Variants in CADPS observed in about 807,000 individuals in gnomAD.
CADPS encodes calcium-dependent secretion activator 1.
In CADPS, 57 loss-of-function variants were observed where a neutral mutation model predicts 167.3. The observed-to-expected ratio is 0.34, with a 90% CI of 0.28 to 0.42. The LOEUF (loss-of-function observed/expected upper bound fraction) is 0.42. CADPS is among the 20% of genes least tolerant of loss of function. CADPS has a pLI of 1.00. For synonymous variants in CADPS, 676 were observed against 635.3 expected (o/e 1.06, Z -0.96); for missense variants, 1,414 against 1,738.1 (o/e 0.81, Z 3.32).
intron 8 of CADPS, among the ~76,000 whole-genome samples, chr3:62,584,783 C>G (rs1419873246): frequency 6.6e-6 from 1 of 152,190 alleles, no homozygotes; most frequent in Non-Finnish European, 1.5e-5. Flanking sequence ...GGTGGCCTCT[C>G]CCTGCTGCTC....
At position 62,545,268 on chromosome 3, in the gene CADPS, G is replaced by A. The variant is rs115038031; in HGVS notation, c.1966+4635C>T. On this transcript the variant is annotated intron_variant, in intron 11 of 29. Transcript: ENST00000383710. ...CCACCCTAATCCAAATGAGAATTGAGGTACTAATTTTTACTGTTCCACTAA... is the reference window on the plus strand; with the variant it reads ...CCACCCTAATCCAAATGAGAATTGAAGTACTAATTTTTACTGTTCCACTAA... Among the ~76,000 whole-genome samples the A allele has an allele frequency of 3.8e-3, 575 of 152,102 alleles. 5 individuals are homozygous for A. Among genetic ancestry groups the A allele is most frequent in the African/African-American group, 0.012 (507 of 41,498 alleles).
Position 62,399,412 on chromosome 3 carries a change from G to C in CADPS, c.4056C>G (p.Asp1352Glu). The C allele has an allele frequency of 6.2e-7, 1 of 1,614,038 alleles. No individual in the cohort carries two copies. The highest frequency in any genetic ancestry group is 8.5e-7 in the Non-Finnish European group (1 of 1,179,930). ...MKDSDEEDEEDD is the reference protein window; with the variant it reads ...MKDSDEEDEEED The stretch of plus-strand genomic sequence containing the variant: ...GACTCTAGGACCAAATGGTCTAATC[G>C]TCTTCTTCGTCTTCCTCATCGCTGT... The change falls in exon 30 of 30, where the codon GAC (aspartate) becomes GAG (glutamate). Residue 1352 changes from aspartate (D) to glutamate (E), a missense_variant. Around this residue, in one of 6 missense-constraint regions of CADPS, gnomAD observed 185 missense variants for 251.5 expected, o/e 0.74. Transcript: ENST00000383710. The surrounding 1 kb of genome is among the most constrained non-coding windows in gnomAD (Gnocchi z 5.6).
chr3:62,608,176 C>T (rs1255316495), intron 6 of CADPS, among the ~76,000 whole-genome samples: 1 of 152,016 alleles, frequency 6.6e-6, no homozygotes, highest in Non-Finnish European at 1.5e-5. Context: ...CACCACAAGG[C>T]CTAGTCACTC....
chr3:62,845,423 A>G (rs2077255250), intron 1 of CADPS, among the ~76,000 whole-genome samples: 1 of 152,224 alleles, frequency 6.6e-6, no homozygotes, highest in African/African-American at 2.4e-5. Context: ...CACTACCTCT[A>G]AAAAGGGGAT....
chr3:62,449,608 A>C (rs780150368), intron 26 of CADPS, among the ~76,000 whole-genome samples: 3 of 152,204 alleles, frequency 2.0e-5, no homozygotes, highest in Non-Finnish European at 4.4e-5. Flanking sequence ...TTATTGCCAG[A>C]AAATCCAAGC....
intron 2 of CADPS, among the ~76,000 whole-genome samples, chr3:62,760,928 T>C (rs1005049774): frequency 6.6e-6 from 1 of 152,196 alleles, no homozygotes; most frequent in African/African-American, 2.4e-5. Flanking sequence ...CATTACATAG[T>C]TGCAGTGGGA....
intron 15 of CADPS, 101 bp downstream of exon 15, chr3:62,516,479 C>A: frequency 1.1e-6 from 1 of 926,960 alleles, no homozygotes; most frequent in South Asian, 1.7e-5. Context: ...TAAACAAATC[C>A]TATAAAAATT....
At chr3:62,555,076 T>C (rs899047693) in intron 10 of CADPS, among the ~76,000 whole-genome samples, 2 of 152,160 alleles carry the variant, frequency 1.3e-5, no homozygotes, top group Admixed American at 1.3e-4. Flanking sequence ...TAAAAAATTC[T>C]GAGTTAGACT....
chr3:62,491,317 G>T (rs1226790769), intron 21 of CADPS, 22 bp downstream of exon 21: 11 of 1,611,424 alleles, frequency 6.8e-6, no homozygotes, highest in Non-Finnish European at 9.3e-6. Context: ...AACTCCGATG[G>T]TATCAAAAAA....
At position 62,478,173 on chromosome 3, in the gene CADPS, G is replaced by A. The variant is rs968551481; in HGVS notation, c.3329+88C>T. ...CTTCTCCAATTAGTTTCAAACTACAGCCAATTGAAAGAGCAGCCATCTACC... is the reference window on the plus strand; with the variant it reads ...CTTCTCCAATTAGTTTCAAACTACAACCAATTGAAAGAGCAGCCATCTACC... On this transcript the variant is annotated intron_variant, in intron 23 of 29. Coordinates refer to ENST00000383710, the MANE Select transcript of CADPS (RefSeq NM_003716.4). The surrounding 1 kb of genome is among the most constrained non-coding windows in gnomAD (Gnocchi z 5.7). 1.4e-6 allele frequency: 2 copies of A among 1,406,966 alleles called. No individual in the cohort carries two copies. 87.2% of individuals were successfully genotyped at this position (1,406,966 alleles called of 1,614,324 possible).
At chr3:62,590,995 C>A (rs1177867731) in intron 7 of CADPS, among the ~76,000 whole-genome samples, 1 of 152,066 alleles carries the variant, frequency 6.6e-6, no homozygotes, top group Non-Finnish European at 1.5e-5. Flanking sequence ...GCTAGGATTA[C>A]AGGTGCCTGC....
intron 28 of CADPS, among the ~76,000 whole-genome samples, chr3:62,416,119 A>G (rs1435304524): frequency 1.3e-5 from 2 of 152,182 alleles, no homozygotes; most frequent in Non-Finnish European, 2.9e-5. Flanking sequence ...AAATTAGCAG[A>G]GAGCTTGGAG....
In CADPS at chr3:62,446,665, G is replaced by A. The variant is rs2057274564; in HGVS notation, c.3637-868C>T. Reference sequence around the variant, plus strand: ...ATACAGAACAAATGGCAGCTAAGACGATGAATTCATAAGCAAATGTGGGTG... The same window carrying A: ...ATACAGAACAAATGGCAGCTAAGACAATGAATTCATAAGCAAATGTGGGTG... On this transcript the variant is annotated intron_variant, in intron 26 of 29. Coordinates refer to ENST00000383710, the MANE Select transcript of CADPS (RefSeq NM_003716.4). The surrounding 1 kb of genome is among the most constrained non-coding windows in gnomAD (Gnocchi z 4.9). 6.6e-6 allele frequency among the ~76,000 whole-genome samples: 1 copy of A among 152,190 alleles called. No individual in the cohort carries two copies. Among genetic ancestry groups the A allele is most frequent in the Admixed American group, 6.5e-5 (1 of 15,280 alleles).
intron 28 of CADPS, among the ~76,000 whole-genome samples, chr3:62,416,133 A>G (rs2050014428): frequency 6.6e-6 from 1 of 152,150 alleles, no homozygotes; most frequent in Admixed American, 6.5e-5. Flanking sequence ...CTTGGAGTTG[A>G]GGGCAGGAGA....
chr3:62,555,334 A>G (rs553526798), intron 10 of CADPS, among the ~76,000 whole-genome samples: 61 of 152,368 alleles, frequency 4.0e-4, no homozygotes, highest in African/African-American at 1.2e-3. Context: ...TTACACATGT[A>G]GATAGAATAG....
intron 6 of CADPS, among the ~76,000 whole-genome samples, chr3:62,644,511 G>A (rs2068100720): frequency 1.3e-5 from 2 of 152,044 alleles, no homozygotes; most frequent in South Asian, 2.1e-4. Context: ...CCACTGCAGC[G>A]AGAGTCATCT....
rs1262757244 is a variant in CADPS, at chr3:62,412,912, C to G, written c.3778-9727G>C. 6.6e-6 allele frequency among the ~76,000 whole-genome samples: 1 copy of G among 152,156 alleles called. No individual in the cohort carries two copies. The highest frequency in any genetic ancestry group is 1.5e-5 in the Non-Finnish European group (1 of 68,028). ...ACAAGTAAGTATGTTGCTTCTGAAT[C>G]AATCTGATTGTCTAAAACCCAACAA... On this transcript the variant is annotated intron_variant, in intron 28 of 29. Transcript: ENST00000383710. The surrounding 1 kb of genome is among the most constrained non-coding windows in gnomAD (Gnocchi z 4.1).
chr3:62,531,969 T>C (rs2073794916), intron 13 of CADPS, among the ~76,000 whole-genome samples: 1 of 152,204 alleles, frequency 6.6e-6, no homozygotes, highest in Admixed American at 6.5e-5. Context: ...GTTCTGGGCT[T>C]GTATATAAAA....
intron 6 of CADPS, among the ~76,000 whole-genome samples, chr3:62,617,215 C>G (rs1271491068): frequency 6.6e-6 from 1 of 151,990 alleles, no homozygotes; most frequent in East Asian, 1.9e-4. Context: ...AGTGAGAACA[C>G]AATGAGCCAA....
Sources: gnomAD v4.1 joint callset for allele counts (sites outside exome capture counted in the v4.1 genomes callset) on GRCh38, gnomAD v4.1.1 for gene constraint, gnomAD v4.1.1 regional missense constraint, Gnocchi (gnomAD v3.1) non-coding constraint, MANE v1.5 for transcripts, NCBI Gene and HGNC (gene_info 2026-07-23, HGNC 2026-07-21) for gene names.